PLPP3: variants seen among roughly 807,000 people sequenced by gnomAD.
The protein encoded by PLPP3 is PAP2 beta.
A neutral mutation model predicts 29.6 loss-of-function variants in PLPP3; 6 were observed. The observed-to-expected ratio is 0.20, with a 90% CI of 0.11 to 0.40. The LOEUF (loss-of-function observed/expected upper bound fraction) is 0.40, where lower values mean the gene tolerates loss of function less well. Ranked by LOEUF, PLPP3 falls within the 10% of genes least tolerant of loss-of-function variation. The pLI is 1.00. For synonymous variants in PLPP3, 152 were observed against 159.7 expected (o/e 0.95, Z 0.36); for missense variants, 308 against 407.7 (o/e 0.76, Z 2.11).
intron 2 of PLPP3, among the ~76,000 whole-genome samples, chr1:56,534,596 G>A (rs1645912296): frequency 6.6e-6 from 1 of 152,132 alleles, no homozygotes; most frequent in Admixed American, 6.5e-5. Context: ...TGTCACTCTT[G>A]CCCTCTAATC....
Position 56,579,179 on chromosome 1 carries a change from C to T in PLPP3, c.-163G>A, listed in dbSNP as rs1646259790. On this transcript the variant is annotated 5_prime_UTR_variant, in exon 1 of 6. Transcript: ENST00000371250. The stretch of plus-strand genomic sequence containing the variant: ...CTAGAGTGCAGCCGGGGCTGCCTGC[C>T]TCCAACTGCAGAAGGTGGTGTTTTC... 10 of 818,548 alleles carry T rather than the reference C, an allele frequency of 1.2e-5. No homozygotes were observed. Among genetic ancestry groups the T allele is most frequent in the Admixed American group, 3.6e-5 (1 of 28,130 alleles). 50.7% of individuals were successfully genotyped at this position (818,548 alleles called of 1,614,324 possible).
At chr1:56,509,536 T>C (rs1488250195) in intron 5 of PLPP3, among the ~76,000 whole-genome samples, 1 of 152,034 alleles carries the variant, frequency 6.6e-6, no homozygotes, top group Non-Finnish European at 1.5e-5. Flanking sequence ...TGGCTTAATG[T>C]GACTAAAAGA....
chr1:56,565,958 C>T (rs1362078690), intron 1 of PLPP3, among the ~76,000 whole-genome samples: 6 of 152,190 alleles, frequency 3.9e-5, no homozygotes, highest in Admixed American at 3.9e-4. Flanking sequence ...AGTGTCTCAT[C>T]TCATCATTAG....
At position 56,578,836 on chromosome 1, in the gene PLPP3, A is replaced by C. The variant is rs779640015; in HGVS notation, c.139+42T>G. On this transcript the variant is annotated intron_variant, in intron 1 of 5. Transcript: ENST00000371250. ...ACTGGGCTGGGACGCGCGCCGAGGGACGAGGGGCCGAGGGGCCGAGGGACA... is the reference window on the plus strand; with the variant it reads ...ACTGGGCTGGGACGCGCGCCGAGGGCCGAGGGGCCGAGGGGCCGAGGGACA... 1.9e-5 allele frequency: 28 copies of C among 1,494,764 alleles called. No homozygotes were observed. In the Admixed American group the frequency reaches 4.9e-4, roughly 26 times the overall value. The allele number at this position is 1,494,764 out of a possible 1,614,324, so 92.6% of individuals were successfully genotyped here.
intron 2 of PLPP3, among the ~76,000 whole-genome samples, chr1:56,528,818 C>T (rs1645868999): frequency 1.3e-5 from 2 of 149,200 alleles, no homozygotes; most frequent in Non-Finnish European, 3.0e-5. Flanking sequence ...GATGACATTG[C>T]TTTTGATCAT....
chr1:56,523,935 C>T, intron 3 of PLPP3, 55 bp from the exon 4 acceptor site: 6 of 1,569,948 alleles, frequency 3.8e-6, no homozygotes, highest in Non-Finnish European at 5.3e-6. Context: ...CTGATACACA[C>T]TTGTCTGTCT....
chr1:56,548,141 CTG>C (rs981470825), intron 1 of PLPP3, among the ~76,000 whole-genome samples: 3 of 152,194 alleles, frequency 2.0e-5, no homozygotes, highest in Non-Finnish European at 4.4e-5. Flanking sequence ...TTGAGCAAGA[CTG>C]GAGCCGTTCC....
At chr1:56,536,065 A>C (rs186304670) in intron 2 of PLPP3, among the ~76,000 whole-genome samples, 1 of 152,128 alleles carries the variant, frequency 6.6e-6, no homozygotes, top group African/African-American at 2.4e-5. Context: ...TGCCACAGAG[A>C]GTGACGAGCA....
intron 1 of PLPP3, among the ~76,000 whole-genome samples, chr1:56,555,433 T>TAAAAAAAAAAAAAAAAAA (rs66593221): frequency 1.4e-3 from 47 of 33,214 alleles, no homozygotes; most frequent in African/African-American, 2.3e-3. Flanking sequence ...GGCCAAACAC[T>TAAAAAAAAAAAAAAAAAA]AAAAAAAAAA....
At position 56,512,085 on chromosome 1, in the gene PLPP3, A is replaced by C. The variant is rs759339810; in HGVS notation, c.701T>G (p.Leu234Trp). The C allele has an allele frequency of 8.1e-6, 13 of 1,613,124 alleles. No homozygotes were observed. The highest frequency in any genetic ancestry group is 1.1e-5 in the Non-Finnish European group (13 of 1,179,680). Residue 234 changes from leucine (L) to tryptophan (W), a missense_variant, in exon 5 of 6, where the codon TTG becomes TGG. This residue lies in a region of PLPP3 where 232 missense variants were observed against 317.2 expected (regional missense o/e 0.73). Coordinates refer to ENST00000371250, the MANE Select transcript of PLPP3 (RefSeq NM_003713.5). ...RLLRPLLQFT[L>W]IMMAFYTGLS... ...TCCCGTGTAGAAGGCCATCATGATC[A>C]AGGTGAACTGCAGGAGGGGCCGGAG...
rs764022082 is a variant in PLPP3 at position 56,524,263 on chromosome 1, AG to A, written c.575+13del. The A allele has an allele frequency of 1.2e-6, 2 of 1,612,512 alleles. No homozygotes were observed. Among genetic ancestry groups the A allele is most frequent in the Admixed American group, 3.3e-5 (2 of 59,984 alleles). On this transcript the variant is annotated intron_variant, in intron 3 of 5. Coordinates refer to ENST00000371250, the MANE Select transcript of PLPP3 (RefSeq NM_003713.5). This position sits in a 1 kb window ranked among gnomAD's most constrained non-coding sequence, Gnocchi z 4.3. ...AGGGGTCCAGGCTCTGGCCATGCGG[AG>A]GTGGTGTCTCACCTGGCTTCCTGGA... is the stretch of plus-strand genomic sequence containing the variant.
Position 56,524,009 on chromosome 1 carries a change from T to C in PLPP3, c.576-129A>G. 8.9e-7 allele frequency: 1 copy of C among 1,128,818 alleles called. No individual in the cohort carries two copies. Among genetic ancestry groups the C allele is most frequent in the Admixed American group, 2.4e-5 (1 of 42,060 alleles). 69.9% of individuals were successfully genotyped at this position (1,128,818 alleles called of 1,614,324 possible). A position where few individuals can be genotyped will look rare whatever the true frequency, so the allele number is the denominator to read the frequency against. ...TAGGCCCTGTTCATTTTTGCATCCT[T>C]GGTAGTGCTTTGGACCCATGCCTGG... On this transcript the variant is annotated intron_variant, in intron 3 of 5. Coordinates refer to ENST00000371250, the MANE Select transcript of PLPP3 (RefSeq NM_003713.5). The surrounding 1 kb of genome is among the most constrained non-coding windows in gnomAD (Gnocchi z 4.3).
In PLPP3 at chr1:56,579,465, G is replaced by GCCT. The variant is rs534837578; in HGVS notation, c.-452_-450dup. The GCCT allele has an allele frequency of 2.6e-3, 466 of 177,982 alleles. 2 individuals carry two copies. Among genetic ancestry groups the GCCT allele is most frequent in the African/African-American group, 8.4e-3 (347 of 41,456 alleles). The allele number at this position is 177,982 out of a possible 1,614,324, so 11.0% of individuals were successfully genotyped here. A position where few individuals can be genotyped will look rare whatever the true frequency, so the allele number is the denominator to read the frequency against. ...GAGCGCCAGCCCCAACTCTAACTTT[G>GCCT]CCTCCTCCTCCTCCTCCTCCTCCGG... On this transcript the variant is annotated 5_prime_UTR_variant, in exon 1 of 6. Transcript: ENST00000371250.
chr1:56,544,362 G>T (rs1186119602), intron 1 of PLPP3, among the ~76,000 whole-genome samples: 4 of 152,084 alleles, frequency 2.6e-5, no homozygotes, highest in Non-Finnish European at 5.9e-5. Context: ...TCACAAATGA[G>T]GTGTTTTATT....
At chr1:56,541,296 A>C (rs917355466) in intron 1 of PLPP3, among the ~76,000 whole-genome samples, 16 of 152,222 alleles carry the variant, frequency 1.1e-4, no homozygotes, top group Admixed American at 8.5e-4. Context: ...TGGCTATTAA[A>C]CAAATACAAT....
chr1:56,520,929 A>AAAG (rs1645814918), intron 4 of PLPP3, among the ~76,000 whole-genome samples: 1 of 145,260 alleles, frequency 6.9e-6, no homozygotes, highest in African/African-American at 2.5e-5. Context: ...AAAAAAAAAA[A>AAAG]AAAAAAGAAA....
At chr1:56,565,454 TCTGTTGCCCAGA>T (rs1646155717) in intron 1 of PLPP3, among the ~76,000 whole-genome samples, 1 of 151,742 alleles carries the variant, frequency 6.6e-6, no homozygotes, top group Non-Finnish European at 1.5e-5. Flanking sequence ...AGAGTCTCCC[TCTGTTGCCCAGA>T]CTGGAGTGCA....
chr1:56,517,930 C>T (rs1645793256), intron 4 of PLPP3, among the ~76,000 whole-genome samples: 1 of 152,194 alleles, frequency 6.6e-6, no homozygotes, highest in Admixed American at 6.5e-5. Context: ...TAAGAGCTGA[C>T]TCATTATACC....
Position 56,524,312 on chromosome 1 carries a change from T to C in PLPP3, c.540A>G (p.Arg180=), listed in dbSNP as rs754749952. The C allele has an allele frequency of 6.2e-7, 1 of 1,614,002 alleles. No homozygotes were observed. Among genetic ancestry groups the C allele is most frequent in the Non-Finnish European group, 8.5e-7 (1 of 1,179,946 alleles). Residue 180 remains arginine, a synonymous_variant, in exon 3 of 6, where the codon AGA becomes AGG. Transcript: ENST00000371250. The surrounding 1 kb of genome is among the most constrained non-coding windows in gnomAD (Gnocchi z 4.3). ...GGACTTTGCTGTCATCACCTCTGCA[T>C]CTGTAGTTCTGAATGTAGCCTTCAG... ...NCSEGYIQNY[R]CRGDDSKVQE...
Sources: allele counts gnomAD v4.1 joint callset (sites outside exome capture counted in the v4.1 genomes callset), GRCh38; gene constraint gnomAD v4.1.1; regional missense constraint gnomAD v4.1.1; non-coding constraint Gnocchi (gnomAD v3.1); transcripts MANE v1.5; gene names NCBI Gene and HGNC (gene_info 2026-07-23, HGNC 2026-07-21).